Variants in GSR observed in about 807,000 individuals in gnomAD.
GSR encodes the protein glutathione reductase, mitochondrial.
A neutral mutation model predicts 56.5 loss-of-function variants in GSR; 48 were observed. That is an observed-to-expected ratio of 0.85 (90% CI 0.67 to 1.08). The LOEUF (loss-of-function observed/expected upper bound fraction) is 1.08. GSR is among the 50% of genes least tolerant of loss of function. The pLI, the probability that GSR is intolerant of heterozygous loss-of-function variation, is 0.00. For missense variants in GSR, 694 were observed against 703.3 expected, an observed-to-expected ratio of 0.99 and a Z score of 0.15; for synonymous variants, 264 against 270.8, an observed-to-expected ratio of 0.97 and a Z score of 0.25.
intron 6 of GSR, among the ~76,000 whole-genome samples, chr8:30,699,709 G>T (rs1322935607): frequency 6.6e-6 from 1 of 151,860 alleles, no homozygotes; most frequent in Non-Finnish European, 1.5e-5. Flanking sequence ...CTCCCAAAGT[G>T]CTAGGATTAC....
In GSR at chr8:30,683,181, C is replaced by A. The variant is rs8191027; in HGVS notation, c.1153+907G>T. Among the ~76,000 whole-genome samples, 1,487 of 152,198 alleles carry A rather than the reference C, an allele frequency of 9.8e-3. 27 individuals carry two copies. Among genetic ancestry groups the A allele is most frequent in the African/African-American group, 0.034 (1,409 of 41,524 alleles). ...CTCACTATGTTGCCCAGCCTGGTCT[C>A]AAACTACTAGACTCAAGCGATCCCC... On this transcript the variant is annotated intron_variant, in intron 10 of 12. Coordinates refer to ENST00000221130, the MANE Select transcript of GSR (RefSeq NM_000637.5).
rs1047035162 is a variant in GSR at position 30,717,715 on chromosome 8, T to C, written c.307-5627A>G. Among the ~76,000 whole-genome samples the C allele has an allele frequency of 2.6e-5, 4 of 152,138 alleles. No homozygotes were observed. In the South Asian group the frequency reaches 8.3e-4, roughly 31 times the overall value. On this transcript the variant is annotated intron_variant, in intron 1 of 12. Transcript: ENST00000221130. ...ACCAACTAGTTGCAGGAAAACAAGCTCAGGGCTCCGTCGGAGTCTAGTTTA... is the reference window on the plus strand; with the variant it reads ...ACCAACTAGTTGCAGGAAAACAAGCCCAGGGCTCCGTCGGAGTCTAGTTTA...
intron 11 of GSR, 21 bp downstream of exon 11, chr8:30,681,909 C>A: frequency 6.2e-7 from 1 of 1,612,376 alleles, no homozygotes; most frequent in Non-Finnish European, 8.5e-7. Flanking sequence ...CACAAATGAC[C>A]TTCAGTTTTT....
intron 5 of GSR, among the ~76,000 whole-genome samples, chr8:30,701,008 T>TA (rs1803718463): frequency 6.6e-6 from 1 of 152,150 alleles, no homozygotes; most frequent in Admixed American, 6.6e-5. Context: ...GCTTCAAACT[T>TA]AGTCTATTTA....
At chr8:30,686,170 C>A (rs1409189480) in intron 9 of GSR, among the ~76,000 whole-genome samples, 2 of 151,606 alleles carry the variant, frequency 1.3e-5, no homozygotes, top group East Asian at 3.9e-4. Flanking sequence ...CATGGTAAGA[C>A]AGACATTCTC....
intron 10 of GSR, among the ~76,000 whole-genome samples, chr8:30,683,283 T>C (rs1803017760): frequency 1.3e-5 from 2 of 151,700 alleles, no homozygotes; most frequent in African/African-American, 4.8e-5. Context: ...GCTAAAAGGG[T>C]TTGGGTGTGT....
At chr8:30,688,854 T>G (rs1170932362) in intron 9 of GSR, among the ~76,000 whole-genome samples, 1 of 151,470 alleles carries the variant, frequency 6.6e-6, no homozygotes, top group Admixed American at 6.6e-5. Flanking sequence ...GCCTAGGAGG[T>G]TAAGACTGCG....
At chr8:30,695,681 T>C (rs1803521151) in intron 7 of GSR, among the ~76,000 whole-genome samples, 1 of 152,216 alleles carries the variant, frequency 6.6e-6, no homozygotes, top group Non-Finnish European at 1.5e-5. Context: ...ATTTAGTAAA[T>C]TGTTTAGAAT....
At chr8:30,694,608 A>G (rs1235288105) in intron 7 of GSR, among the ~76,000 whole-genome samples, 1 of 152,100 alleles carries the variant, frequency 6.6e-6, no homozygotes, top group Non-Finnish European at 1.5e-5. Context: ...AGCCTGGGCA[A>G]CATAGTAAGA....
chr8:30,727,505 G>T, intron 1 of GSR, 25 bp downstream of exon 1: 1 of 1,531,986 alleles, frequency 6.5e-7, no homozygotes, highest in Non-Finnish European at 8.8e-7. Context: ...GGCGCCCCCC[G>T]CCCGAACAAA....
chr8:30,715,153 T>G (rs1804286976), intron 1 of GSR, among the ~76,000 whole-genome samples: 1 of 151,916 alleles, frequency 6.6e-6, no homozygotes, highest in South Asian at 2.1e-4. Context: ...ATTAGTTGGG[T>G]TTGGTGGTGC....
chr8:30,701,935 C>T (rs1271105239), intron 5 of GSR, among the ~76,000 whole-genome samples: 1 of 151,928 alleles, frequency 6.6e-6, no homozygotes, highest in African/African-American at 2.4e-5. Flanking sequence ...AGAAAGATAT[C>T]GCTTGAGCCA....
chr8:30,700,267 T>C (rs1407755732), intron 5 of GSR, 132 bp from the exon 6 acceptor site: 1 of 738,136 alleles, frequency 1.4e-6, no homozygotes. Context: ...TTTGTTAAAG[T>C]CTCTGCTTGG....
intron 11 of GSR, 95 bp from the exon 12 acceptor site, chr8:30,681,132 C>A: frequency 9.9e-7 from 1 of 1,011,716 alleles, no homozygotes. Flanking sequence ...TAACCTCAAT[C>A]AAACCACGAG....
chr8:30,702,630 T>C (rs1403181684), intron 5 of GSR, among the ~76,000 whole-genome samples: 1 of 152,116 alleles, frequency 6.6e-6, no homozygotes, highest in Admixed American at 6.6e-5. Flanking sequence ...ACCTGCAATA[T>C]GTCTGAGCCT....
At chr8:30,689,850 TATAA>T (rs1330498512) in intron 8 of GSR, among the ~76,000 whole-genome samples, 14 of 142,914 alleles carry the variant, frequency 9.8e-5, no homozygotes, top group African/African-American at 3.0e-4. Flanking sequence ...GCATATTATA[TATAA>T]ATATATTTAT....
chr8:30,694,275 T>C (rs1803478398), intron 7 of GSR, among the ~76,000 whole-genome samples: 1 of 152,182 alleles, frequency 6.6e-6, no homozygotes, highest in African/African-American at 2.4e-5. Context: ...TGATAAATTC[T>C]GTCCCTGCAG....
chr8:30,711,138 C>T (rs1189111438), intron 2 of GSR, among the ~76,000 whole-genome samples: 1 of 152,096 alleles, frequency 6.6e-6, no homozygotes, highest in Non-Finnish European at 1.5e-5. Flanking sequence ...TTCAAAAAGA[C>T]TTTTTGGAAT....
At chr8:30,683,045 C>T (rs1488377895) in intron 10 of GSR, among the ~76,000 whole-genome samples, 1 of 152,030 alleles carries the variant, frequency 6.6e-6, no homozygotes, top group Admixed American at 6.6e-5. Context: ...TCAGGAAGGT[C>T]TCGATCTCTG....
Sources: allele counts gnomAD v4.1 joint callset (sites outside exome capture counted in the v4.1 genomes callset), GRCh38; gene constraint gnomAD v4.1.1; transcripts MANE v1.5; gene names NCBI Gene and HGNC (gene_info 2026-07-23, HGNC 2026-07-21).